The following ARNT2 variants were observed in gnomAD, a reference collection of about 807,000 sequenced individuals.
The protein encoded by ARNT2 is aryl hydrocarbon receptor nuclear translocator 2.
Under a neutral mutation model 91.7 loss-of-function variants are expected in ARNT2, and 36 were observed. The ratio of observed to expected loss-of-function variants is 0.39; its 90% confidence interval spans 0.30 to 0.52. ARNT2 has a LOEUF of 0.52. ARNT2 is among the 20% of genes least tolerant of loss of function. ARNT2 has a pLI of 0.72. For synonymous variants in ARNT2, 365 were observed against 347.1 expected (o/e 1.05, Z -0.57); for missense variants, 775 against 939.3 (o/e 0.83, Z 2.29).
At chr15:80,551,366 C>T (rs1360733913) in intron 9 of ARNT2, 91 bp downstream of exon 9, 3 of 1,196,392 alleles carry the variant, frequency 2.5e-6, no homozygotes, top group Non-Finnish European at 3.7e-6. Context: ...CTATTCTGAT[C>T]ACCTGTGTTC....
chr15:80,546,962 C>CAA (rs373390956), intron 8 of ARNT2, among the ~76,000 whole-genome samples: 1 of 133,892 alleles, frequency 7.5e-6, no homozygotes, highest in Non-Finnish European at 1.6e-5. Context: ...AACTCCATCT[C>CAA]AAAAAAAAAA....
At chr15:80,421,625 T>C (rs1895862855) in intron 1 of ARNT2, among the ~76,000 whole-genome samples, 1 of 152,218 alleles carries the variant, frequency 6.6e-6, no homozygotes, top group Non-Finnish European at 1.5e-5. Context: ...GAGTGCAAAC[T>C]CCATCTTATT....
chr15:80,539,208 A>C (rs1320017125), intron 8 of ARNT2, among the ~76,000 whole-genome samples: 1 of 152,108 alleles, frequency 6.6e-6, no homozygotes, highest in East Asian at 1.9e-4. Context: ...TGAAACAAAA[A>C]CCTACAAACT....
intron 6 of ARNT2, among the ~76,000 whole-genome samples, chr15:80,510,318 G>A (rs1396441867): frequency 6.6e-6 from 1 of 151,982 alleles, no homozygotes; most frequent in African/African-American, 2.4e-5. Context: ...AGGTTAAGAT[G>A]CCTGTCTATA....
At chr15:80,439,885 T>C (rs1158706359) in intron 1 of ARNT2, among the ~76,000 whole-genome samples, 1 of 152,238 alleles carries the variant, frequency 6.6e-6, no homozygotes, top group Non-Finnish European at 1.5e-5. Flanking sequence ...TAGCAGGTCC[T>C]CCTCAGTGAA....
intron 2 of ARNT2, among the ~76,000 whole-genome samples, chr15:80,453,275 C>G (rs8026684): frequency 0.016 from 2,461 of 152,208 alleles, 86 homozygotes; most frequent in African/African-American, 0.057. Flanking sequence ...GACAAATCAC[C>G]CAGGGGCAAG....
chr15:80,565,248 C>T (rs1445869722), intron 12 of ARNT2, among the ~76,000 whole-genome samples: 2 of 152,126 alleles, frequency 1.3e-5, no homozygotes, highest in Admixed American at 1.3e-4. Flanking sequence ...TTCAGCCCAC[C>T]GTTGATGGGC....
chr15:80,470,174 C>T (rs751289731), intron 3 of ARNT2, 44 bp from the exon 4 acceptor site: 7 of 1,469,122 alleles, frequency 4.8e-6, no homozygotes, highest in Non-Finnish European at 6.3e-6. Flanking sequence ...TAATCTGATA[C>T]TTCTCTTTTT....
chr15:80,575,012 G>T lies in ARNT2; in HGVS notation c.1415G>T (p.Gly472Val), dbSNP rs769503996. The T allele has an allele frequency of 6.2e-7, 1 of 1,614,164 alleles. No homozygotes were observed. Among genetic ancestry groups the T allele is most frequent in the East Asian group, 2.2e-5 (1 of 44,876 alleles). The change falls in exon 14 of 19, where the codon GGT becomes GTT. Residue 472 changes from glycine to valine, a missense_variant. This residue lies in a region of ARNT2 where 325 missense variants were observed against 359.9 expected (regional missense o/e 0.90). Transcript: ENST00000303329. Reference protein sequence around the residue: ...SQVPVPNLPAGVHEAGKSVEK... With the variant: ...SQVPVPNLPAVVHEAGKSVEK... ...GTCCCCGTCCCCAACCTACCAGCCG[G>T]TGTTCATGAGGCCGGGAAGTCCGTG...
rs1335489428 is a variant in ARNT2 at position 80,408,453 on chromosome 15, A to C, written c.31+3907A>C. Among the ~76,000 whole-genome samples, 7 of 152,332 alleles carry C rather than the reference A, an allele frequency of 4.6e-5. 1 individual carries two copies. The highest frequency in any genetic ancestry group is 6.8e-3 in the Middle Eastern group (2 of 294). On this transcript the variant is annotated intron_variant, in intron 1 of 18. Coordinates refer to ENST00000303329, the MANE Select transcript of ARNT2 (RefSeq NM_014862.4). Reference sequence around the variant, plus strand: ...TTTGAAGACAGAGATTTTGACTTATAGAGAATTTAGGAATGGTCATTTTGC... The same window carrying C: ...TTTGAAGACAGAGATTTTGACTTATCGAGAATTTAGGAATGGTCATTTTGC...
Position 80,495,582 on chromosome 15 carries a change from G to A in ARNT2, c.623-12574G>A, listed in dbSNP as rs146120093. ...CAATATTCATTGCCAACAGCATGAA[G>A]GGCTGGAGGGTTTGTCAGAAGCATG... On this transcript the variant is annotated intron_variant, in intron 5 of 18. Transcript: ENST00000303329. Among the ~76,000 whole-genome samples the A allele has an allele frequency of 2.0e-5, 3 of 152,324 alleles. No individual in the cohort carries two copies. In the East Asian group the frequency reaches 5.8e-4, roughly 29 times the overall value.
chr15:80,517,640 T>C (rs531211547), intron 8 of ARNT2, among the ~76,000 whole-genome samples: 168 of 152,062 alleles, frequency 1.1e-3, no homozygotes, highest in Non-Finnish European at 2.1e-3. Context: ...TTTTTTTTTT[T>C]TTTCATTCTT....
intron 12 of ARNT2, among the ~76,000 whole-genome samples, chr15:80,566,588 A>G (rs78626217): frequency 5.8e-4 from 88 of 152,324 alleles, no homozygotes; most frequent in African/African-American, 2.1e-3. Flanking sequence ...TGGCCCTGCC[A>G]GACGTGTCTG....
chr15:80,583,649 A>G (rs1898839937), intron 17 of ARNT2, among the ~76,000 whole-genome samples: 1 of 152,220 alleles, frequency 6.6e-6, no homozygotes. Context: ...AGGAGATACC[A>G]TTATTATTCC....
chr15:80,557,320 T>A (rs1162850975), intron 11 of ARNT2, among the ~76,000 whole-genome samples: 2 of 152,094 alleles, frequency 1.3e-5, no homozygotes, highest in Non-Finnish European at 2.9e-5. Context: ...GGATCTCCCC[T>A]TGGCTGCCTT....
chr15:80,502,485 G>C (rs193274624), intron 5 of ARNT2, among the ~76,000 whole-genome samples: 1 of 152,184 alleles, frequency 6.6e-6, no homozygotes, highest in Non-Finnish European at 1.5e-5. Context: ...CCCAGAGGTG[G>C]GAAGACAACA....
chr15:80,460,755 G>A (rs1896540643), intron 3 of ARNT2, among the ~76,000 whole-genome samples: 1 of 152,236 alleles, frequency 6.6e-6, no homozygotes, highest in Non-Finnish European at 1.5e-5. Context: ...CAGTTTGGAT[G>A]TAGATCAAAA....
rs375277009 is a variant in ARNT2 at position 80,583,823 on chromosome 15, T to C, written c.1918+2419T>C. ...ATCCACTACTCTGTACTTACCATCA[T>C]TTTCAAATCCATTCACAGGGGACCT... On this transcript the variant is annotated intron_variant, in intron 17 of 18. Coordinates refer to ENST00000303329, the MANE Select transcript of ARNT2 (RefSeq NM_014862.4). Among the ~76,000 whole-genome samples the C allele has an allele frequency of 1.1e-4, 16 of 152,316 alleles. 2 individuals carry two copies. Among genetic ancestry groups the C allele is most frequent in the Admixed American group, 3.3e-4 (5 of 15,298 alleles).
chr15:80,412,855 CAGAGGCTCAGAG>C (rs1895707058), intron 1 of ARNT2, among the ~76,000 whole-genome samples: 1 of 152,190 alleles, frequency 6.6e-6, no homozygotes, highest in Non-Finnish European at 1.5e-5. Context: ...AAGGTTAGAA[CAGAGGCTCAGAG>C]AGAGGCTCAG....
Sources: gnomAD v4.1 joint callset for allele counts (sites outside exome capture counted in the v4.1 genomes callset) on GRCh38, gnomAD v4.1.1 for gene constraint, gnomAD v4.1.1 regional missense constraint, MANE v1.5 for transcripts, NCBI Gene and HGNC (gene_info 2026-07-23, HGNC 2026-07-21) for gene names.